Variants in PIEZO1 observed in about 807,000 individuals in gnomAD.
The protein encoded by PIEZO1 is piezo-type mechanosensitive ion channel component 1.
A neutral mutation model predicts 297.2 loss-of-function variants in PIEZO1; 296 were observed. The observed-to-expected ratio is 1.00, with a 90% CI of 0.91 to 1.10. PIEZO1 has a LOEUF of 1.10. Among genes scored for constraint, PIEZO1 ranks in the 50% least tolerant of loss-of-function variants. The pLI is 0.00. For missense variants in PIEZO1, 5,018 were observed against 3,455.5 expected, an observed-to-expected ratio of 1.45 and a Z score of -11.34; for synonymous variants, 2,427 against 1,507.5, an observed-to-expected ratio of 1.61 and a Z score of -14.13.
rs1310557035 is a variant in PIEZO1, at chr16:88,715,870, G to A, written c.7317-16C>T. The A allele has an allele frequency of 3.9e-6, 6 of 1,548,586 alleles. No individual in the cohort carries two copies. The highest frequency in any genetic ancestry group is 5.2e-6 in the Non-Finnish European group (6 of 1,145,836). On this transcript the variant is annotated splice_polypyrimidine_tract_variant and intron_variant, in intron 50 of 50. Coordinates refer to ENST00000301015, the MANE Select transcript of PIEZO1 (RefSeq NM_001142864.4). ...CCCCATGATGCTGCGGGGGAAGCTG[G>A]TGAGTCCTGGGGCCGCCCGGAGCCC...
In PIEZO1 at chr16:88,717,191, C is replaced by T. The variant is rs528012130; in HGVS notation, c.6492G>A (p.Gly2164=). The T allele has an allele frequency of 1.9e-6, 3 of 1,549,970 alleles. No homozygotes were observed. Among genetic ancestry groups the T allele is most frequent in the East Asian group, 4.9e-5 (2 of 40,924 alleles). Residue 2164 remains glycine (G), a synonymous_variant, in exon 45 of 51, where the codon GGG becomes GGA. Transcript: ENST00000301015. ...ETEKKYPQPK[G]QKKKKIVKYG... ...ACTTGACGATCTTCTTCTTCTTCTG[C>T]CCTTTGGGCTGCGGGTATTTCTGGA...
intron 18 of PIEZO1, 65 bp from the exon 19 acceptor site, chr16:88,733,519 G>C: frequency 1.3e-6 from 2 of 1,530,390 alleles, no homozygotes; most frequent in Non-Finnish European, 1.8e-6. Flanking sequence ...GCTGGGCTTG[G>C]GGAGGCCAGC....
chr16:88,733,753 G>A lies in PIEZO1; in HGVS notation c.2330-8C>T. 6 of 1,538,236 alleles carry A rather than the reference G, an allele frequency of 3.9e-6. No homozygotes were observed. Among genetic ancestry groups the A allele is most frequent in the Non-Finnish European group, 5.3e-6 (6 of 1,140,324 alleles). On this transcript the variant is annotated splice_polypyrimidine_tract_variant and splice_region_variant and intron_variant, in intron 17 of 50. Transcript: ENST00000301015. The stretch of plus-strand genomic sequence containing the variant: ...GGCCCCACTTGGCTGCCCCTGTGAT[G>A]GTGTGAGGGTCAGTGCGGGGCACAA...
In PIEZO1 at chr16:88,732,876, T is replaced by C. The variant is rs895345993; in HGVS notation, c.2665-144A>G. On this transcript the variant is annotated intron_variant, in intron 19 of 50. Transcript: ENST00000301015. ...GGGGCTGCCAGCCTTGGAGCCACCT[T>C]CACGGGGAAGGGGACCAGGTGTTTG... 2.6e-5 allele frequency: 21 copies of C among 813,282 alleles called. No homozygotes were observed. The African/African-American group carries it at 3.6e-4, about 14-fold the overall frequency. 50.4% of individuals were successfully genotyped at this position (813,282 alleles called of 1,614,324 possible). A position where few individuals can be genotyped will look rare whatever the true frequency, so the allele number is the denominator to read the frequency against.
chr16:88,746,664 C>T (rs963773909), intron 2 of PIEZO1, among the ~76,000 whole-genome samples: 3 of 152,216 alleles, frequency 2.0e-5, no homozygotes, highest in Non-Finnish European at 4.4e-5. Flanking sequence ...CTCTCCCTCC[C>T]GGAAAACTGG....
In PIEZO1 at chr16:88,716,248, A is replaced by G. The variant is rs1256947690; in HGVS notation, c.7079T>C (p.Ile2360Thr). Residue 2360 changes from isoleucine (I) to threonine (T), a missense_variant, in exon 49 of 51, where the codon ATC (isoleucine) becomes ACC (threonine). Physicochemically the swap from Ile to Thr is moderately conservative, Grantham distance 89. Coordinates refer to ENST00000301015, the MANE Select transcript of PIEZO1 (RefSeq NM_001142864.4). ...VVIPNLFPKY[I>T]RAPNGPEANP... ...GGCTTCGGGCCCGTTGGGGGCACGG[A>G]TGTACTTGGGGAAGAGATTAGGGAT... is the stretch of plus-strand genomic sequence containing the variant. 7 of 1,494,764 alleles carry G rather than the reference A, an allele frequency of 4.7e-6. No homozygotes were observed. The highest frequency in any genetic ancestry group is 5.4e-6 in the Non-Finnish European group (6 of 1,116,738). 92.6% of individuals were successfully genotyped at this position (1,494,764 alleles called of 1,614,324 possible). A position where few individuals can be genotyped will look rare whatever the true frequency, so the allele number is the denominator to read the frequency against.
At position 88,737,824 on chromosome 16, in the gene PIEZO1, C is replaced by G. The variant is rs1182173465; in HGVS notation, c.1021-10G>C. 1.3e-5 allele frequency: 20 copies of G among 1,535,538 alleles called. 1 individual carries two copies. The East Asian group carries it at 4.9e-4, about 38-fold the overall frequency. ...TTGCCGCCTCCTTCCTCTGCAGAGA[C>G]CAGCGTCTTGAGCCCAAACCAGCTC... On this transcript the variant is annotated splice_polypyrimidine_tract_variant and intron_variant, in intron 8 of 50. Coordinates refer to ENST00000301015, the MANE Select transcript of PIEZO1 (RefSeq NM_001142864.4).
At chr16:88,763,108 G>A (rs763365208) in intron 1 of PIEZO1, among the ~76,000 whole-genome samples, 17 of 152,186 alleles carry the variant, frequency 1.1e-4, no homozygotes, top group East Asian at 3.8e-4. Flanking sequence ...GACACCTGGC[G>A]TTCCAGGTCA....
In PIEZO1 at chr16:88,731,928, CGGGGT is replaced by C; in HGVS notation, c.2992-23_2992-19del. 1 of 612,458 alleles carries C rather than the reference CGGGGT, an allele frequency of 1.6e-6. No individual in the cohort carries two copies. Among genetic ancestry groups the C allele is most frequent in the Admixed American group, 6.0e-5 (1 of 16,570 alleles). 37.9% of individuals were successfully genotyped at this position (612,458 alleles called of 1,614,324 possible). ...AAGCAGATCTGGGGAGGGGAGAGGG[CGGGGT>C]GTGGGGATGCACTGAGTCTGGGGGG... On this transcript the variant is annotated intron_variant, in intron 21 of 50. Transcript: ENST00000301015.
chr16:88,722,597 TG>T lies in PIEZO1; in HGVS notation c.4760del (p.Pro1587GlnfsTer17), dbSNP rs1277238437. On this transcript the variant is annotated frameshift_variant, in exon 35 of 51. Coordinates refer to ENST00000301015, the MANE Select transcript of PIEZO1 (RefSeq NM_001142864.4). LOFTEE classifies it high-confidence loss of function. Reference sequence around the variant, plus strand: ...CCCGCACCTACCTGGACACGGTGCTTGGGGCATTGGGGGCCTCGGTGGGGCC... The same window carrying T: ...CCCGCACCTACCTGGACACGGTGCTTGGGCATTGGGGGCCTCGGTGGGGCC... ...LPGPTEAPNA[P>X]STVSSGLGAE... is the part of the protein sequence containing the mutation. 1.3e-6 allele frequency: 2 copies of T among 1,535,528 alleles called. No homozygotes were observed.
At position 88,725,512 on chromosome 16, in the gene PIEZO1, G is replaced by T; in HGVS notation, c.4066C>A (p.Arg1356Ser). ...TGCTTCTCCTGCTTGGCACGGATAC[G>T]CTCCATCCTGTGGTGGGGAAAGGTG... ...SLAQLKRQMERIRAKQEKHRQ... is the reference protein window; with the variant it reads ...SLAQLKRQMESIRAKQEKHRQ... The change falls in exon 29 of 51, where the codon CGT (arginine) becomes AGT (serine). Residue 1356 changes from arginine to serine, a missense_variant. Physicochemically the swap from Arg to Ser is moderately radical, Grantham distance 110. Transcript: ENST00000301015. 8 of 1,535,598 alleles carry T rather than the reference G, an allele frequency of 5.2e-6. No individual in the cohort carries two copies. The highest frequency in any genetic ancestry group is 7.0e-6 in the Non-Finnish European group (8 of 1,138,032).
Position 88,742,064 on chromosome 16 carries a change from T to C in PIEZO1, c.315A>G (p.Ile105Met). The C allele has an allele frequency of 1.3e-6, 2 of 1,536,096 alleles. No individual in the cohort carries two copies. Among genetic ancestry groups the C allele is most frequent in the Non-Finnish European group, 1.7e-6 (2 of 1,146,754 alleles). Reference sequence around the variant, plus strand: ...AGGAATGGTCTTACCTTGTGACCCCTATGTGTCGCGAGAGGGTCTCCCAGC... The same window carrying C: ...AGGAATGGTCTTACCTTGTGACCCCCATGTGTCGCGAGAGGGTCTCCCAGC... ...CSRWETLSRH[I>M]GVTRLDLKDI... Residue 105 changes from isoleucine to methionine, a missense_variant, in exon 4 of 51, where the codon ATA becomes ATG. Ile to Met is a conservative substitution (Grantham distance 10, BLOSUM62 1). Coordinates refer to ENST00000301015, the MANE Select transcript of PIEZO1 (RefSeq NM_001142864.4).
At chr16:88,725,135 G>C in intron 29 of PIEZO1, 55 bp from the exon 30 acceptor site, 3 of 1,261,590 alleles carry the variant, frequency 2.4e-6, no homozygotes, top group Non-Finnish European at 3.3e-6. Flanking sequence ...GGAGGGGTCG[G>C]GGCTGTGAGT....
At chr16:88,742,571 G>A in intron 2 of PIEZO1, 149 bp from the exon 3 acceptor site, 1 of 778,878 alleles carries the variant, frequency 1.3e-6, no homozygotes, top group Non-Finnish European at 2.0e-6. Context: ...CATCAGGCAG[G>A]CCGGCCAGCC....
chr16:88,732,539 C>G lies in PIEZO1; in HGVS notation c.2791-4G>C. ...GCAGCAGCACTTGCAGGTGGTTCTG[C>G]GGAGGGCAAGGGTCAGGGGGCAGCC... On this transcript the variant is annotated splice_region_variant and splice_polypyrimidine_tract_variant and intron_variant, in intron 20 of 50. Transcript: ENST00000301015. The G allele has an allele frequency of 6.5e-7, 1 of 1,545,794 alleles. No homozygotes were observed.
At position 88,731,899 on chromosome 16, in the gene PIEZO1, C is replaced by T; in HGVS notation, c.3003G>A (p.Leu1001=). 2.7e-6 allele frequency: 2 copies of T among 745,626 alleles called. No individual in the cohort carries two copies. Among genetic ancestry groups the T allele is most frequent in the Non-Finnish European group, 3.3e-6 (2 of 607,382 alleles). 46.2% of individuals were successfully genotyped at this position (745,626 alleles called of 1,614,324 possible). A position where few individuals can be genotyped will look rare whatever the true frequency, so the allele number is the denominator to read the frequency against. ...FYKFGLEICF[L]MAVNVIGQRM... is the part of the protein sequence containing the mutation. ...GCTGCCCGATCACGTTCACGGCCAT[C>T]AGGAAGCAGATCTGGGGAGGGGAGA... The change falls in exon 22 of 51, where the codon CTG becomes CTA. Residue 1001 remains leucine (L), a synonymous_variant. Transcript: ENST00000301015.
rs972304913 is a variant in PIEZO1 at position 88,742,218 on chromosome 16, C to T, written c.283+82G>A. 2.1e-5 allele frequency: 32 copies of T among 1,499,968 alleles called. 1 individual carries two copies. Among genetic ancestry groups the T allele is most frequent in the Admixed American group, 1.2e-4 (6 of 49,010 alleles). 92.9% of individuals were successfully genotyped at this position (1,499,968 alleles called of 1,614,324 possible). On this transcript the variant is annotated intron_variant, in intron 3 of 50. Transcript: ENST00000301015. ...ACATAAATCAGGCTGAGTCAACCCC[C>T]CCAGGAGACTCGGGGTCACTGCAGG...
In PIEZO1 at chr16:88,728,228, G is replaced by C. The variant is rs116531020; in HGVS notation, c.3197-567C>G. Among the ~76,000 whole-genome samples, 729 of 152,380 alleles carry C rather than the reference G, an allele frequency of 4.8e-3. 9 individuals carry two copies. The highest frequency in any genetic ancestry group is 0.017 in the African/African-American group (697 of 41,592). On this transcript the variant is annotated intron_variant, in intron 22 of 50. Transcript: ENST00000301015. ...GGATGGGAGCGGCCGGGGCCTGCTG[G>C]GGAGGGAGCCGTGGCACTGCCGGCC...
rs893897653 is a variant in PIEZO1 at position 88,738,704 on chromosome 16, C to G, written c.498G>C (p.Pro166=). 1 of 1,533,490 alleles carries G rather than the reference C, an allele frequency of 6.5e-7. No homozygotes were observed. The highest frequency in any genetic ancestry group is 1.2e-5 in the South Asian group (1 of 83,990). 95.0% of individuals were successfully genotyped at this position (1,533,490 alleles called of 1,614,324 possible). ...DDDERDVDAS[P]TAGLQEAATL... ...TTGCTGCTTCCTGCAGCCCTGCCGT[C>G]GGGCTGGCATCCACATCCCTCTCAT... Residue 166 remains proline, a synonymous_variant, in exon 6 of 51, where the codon CCG becomes CCC. Coordinates refer to ENST00000301015, the MANE Select transcript of PIEZO1 (RefSeq NM_001142864.4).
Sources: gnomAD v4.1 joint callset for allele counts (sites outside exome capture counted in the v4.1 genomes callset) on GRCh38, gnomAD v4.1.1 for gene constraint, MANE v1.5 for transcripts, NCBI Gene and HGNC (gene_info 2026-07-23, HGNC 2026-07-21) for gene names.